The following CALN1 variants were observed in gnomAD, a reference collection of about 807,000 sequenced individuals.
The protein encoded by CALN1 is calneuron 1.
A neutral mutation model predicts 30.6 loss-of-function variants in CALN1; 17 were observed. That is an observed-to-expected ratio of 0.56 (90% CI 0.38 to 0.83). The LOEUF (loss-of-function observed/expected upper bound fraction) is 0.83, where lower values mean the gene tolerates loss of function less well. Among genes scored for constraint, CALN1 ranks in the 40% least tolerant of loss-of-function variants. The pLI, the probability that CALN1 is intolerant of heterozygous loss-of-function variation, is 0.00. For missense variants in CALN1, 291 were observed against 354.9 expected (o/e 0.82, Z 1.45); for synonymous variants, 156 against 131.4 (o/e 1.19, Z -1.28).
chr7:72,091,517 A>AT (rs1296895308), intron 4 of CALN1, among the ~76,000 whole-genome samples: 1 of 152,364 alleles, frequency 6.6e-6, no homozygotes, highest in Admixed American at 6.5e-5. Context: ...CCCCATAAAT[A>AT]TGTATAACTT....
intron 3 of CALN1, among the ~76,000 whole-genome samples, chr7:72,107,777 T>A (rs1254617496): frequency 6.6e-6 from 1 of 152,206 alleles, no homozygotes; most frequent in Admixed American, 6.5e-5. Context: ...TGACTTTCTA[T>A]TCCGTGAGAA....
At chr7:72,314,123 G>T (rs1800249278) in intron 2 of CALN1, among the ~76,000 whole-genome samples, 1 of 152,112 alleles carries the variant, frequency 6.6e-6, no homozygotes, top group Non-Finnish European at 1.5e-5. Flanking sequence ...TGAGGTGTCG[G>T]TCGACTGAGG....
At chr7:72,062,118 C>T (rs931175957) in intron 4 of CALN1, among the ~76,000 whole-genome samples, 7 of 152,148 alleles carry the variant, frequency 4.6e-5, no homozygotes, top group African/African-American at 1.4e-4. Flanking sequence ...TTCAGGAATG[C>T]AGTCAAAATG....
chr7:72,330,350 C>T (rs537738009), intron 2 of CALN1, among the ~76,000 whole-genome samples: 1 of 151,768 alleles, frequency 6.6e-6, no homozygotes, highest in Non-Finnish European at 1.5e-5. Context: ...CGTCTGTAAT[C>T]CCAGCTTCCC....
At chr7:71,941,232 C>T (rs1416070147) in intron 5 of CALN1, among the ~76,000 whole-genome samples, 1 of 149,004 alleles carries the variant, frequency 6.7e-6, no homozygotes. Context: ...TGCCTGTAAT[C>T]CCAGCTACTT....
chr7:71,869,464 G>A (rs905562155), intron 5 of CALN1, among the ~76,000 whole-genome samples: 1 of 152,044 alleles, frequency 6.6e-6, no homozygotes, highest in African/African-American at 2.4e-5. Context: ...TGCCTGCCTC[G>A]GCCTCCCAAA....
intron 3 of CALN1, among the ~76,000 whole-genome samples, chr7:72,142,210 T>A (rs1300350747): frequency 6.6e-6 from 1 of 152,104 alleles, no homozygotes; most frequent in East Asian, 1.9e-4. Flanking sequence ...GGTCAGGGAA[T>A]TCCCCTTCCT....
chr7:72,366,020 A>G (rs538697828), intron 2 of CALN1, among the ~76,000 whole-genome samples: 1 of 152,314 alleles, frequency 6.6e-6, no homozygotes, highest in South Asian at 2.1e-4. Context: ...TCAATTGCAT[A>G]AAGACATGTT....
At chr7:71,890,310 A>C (rs721235) in intron 5 of CALN1, among the ~76,000 whole-genome samples, 1 of 152,020 alleles carries the variant, frequency 6.6e-6, no homozygotes, top group Non-Finnish European at 1.5e-5. Context: ...CGGGCACATC[A>C]GCCATGACAA....
chr7:71,924,449 C>A (rs1379073510), intron 5 of CALN1, among the ~76,000 whole-genome samples: 1 of 151,872 alleles, frequency 6.6e-6, no homozygotes, highest in African/African-American at 2.4e-5. Context: ...ACTTTCAAGG[C>A]AATGATCATA....
At chr7:72,067,237 A>C (rs1804086046) in intron 4 of CALN1, among the ~76,000 whole-genome samples, 1 of 152,122 alleles carries the variant, frequency 6.6e-6, no homozygotes, top group Non-Finnish European at 1.5e-5. Flanking sequence ...GAGCCAAAAT[A>C]GGTTTCTCCA....
chr7:72,235,770 C>G (rs925601075), intron 3 of CALN1, among the ~76,000 whole-genome samples: 5 of 151,770 alleles, frequency 3.3e-5, no homozygotes, highest in African/African-American at 1.2e-4. Context: ...CCCATCACCC[C>G]TTGGCCATGT....
chr7:72,501,446 GGAA>G, the CALN1 span, among the ~76,000 whole-genome samples: 1 of 140,120 alleles, frequency 7.1e-6, no homozygotes, highest in Admixed American at 7.3e-5. Context: ...AGAAAAAAGA[GGAA>G]GAGGAAAAAG....
At chr7:72,051,276 G>GA (rs980350031) in intron 4 of CALN1, among the ~76,000 whole-genome samples, 1 of 151,808 alleles carries the variant, frequency 6.6e-6, no homozygotes, top group African/African-American at 2.4e-5. Flanking sequence ...TTACAACTGA[G>GA]AAAAGCTATG....
chr7:72,295,271 A>G (rs1798771576), intron 2 of CALN1, among the ~76,000 whole-genome samples: 1 of 152,252 alleles, frequency 6.6e-6, no homozygotes, highest in African/African-American at 2.4e-5. Flanking sequence ...CTATCTTTAA[A>G]GTAATGAAAA....
At chr7:72,226,397 T>C (rs1324997185) in intron 3 of CALN1, among the ~76,000 whole-genome samples, 1 of 151,856 alleles carries the variant, frequency 6.6e-6, no homozygotes. Context: ...ATGCATAGTC[T>C]AGCCCATAGG....
intron 2 of CALN1, among the ~76,000 whole-genome samples, chr7:72,393,743 T>A (rs1163498809): frequency 4.4e-5 from 1 of 22,764 alleles, no homozygotes; most frequent in East Asian, 1.9e-3. Context: ...ACCATAGAGC[T>A]TTTTTTTTTT....
intron 1 of CALN1, among the ~76,000 whole-genome samples, chr7:72,434,368 A>G (rs980166345): frequency 6.6e-6 from 1 of 151,466 alleles, no homozygotes; most frequent in Non-Finnish European, 1.5e-5. Flanking sequence ...AAAAACAAAA[A>G]AAAAATAGCT....
chr7:72,281,992 T>C (rs1270007187), intron 2 of CALN1, among the ~76,000 whole-genome samples: 1 of 152,188 alleles, frequency 6.6e-6, no homozygotes, highest in African/African-American at 2.4e-5. Flanking sequence ...ATTTAGTCTC[T>C]GCATTCAAAA....
Sources: gnomAD v4.1 joint callset for allele counts (sites outside exome capture counted in the v4.1 genomes callset) on GRCh38, gnomAD v4.1.1 for gene constraint, MANE v1.5 for transcripts, NCBI Gene and HGNC (gene_info 2026-07-23, HGNC 2026-07-21) for gene names.